The following NCF4 variants were observed in gnomAD, a reference collection of about 807,000 sequenced individuals.
NCF4 encodes the protein neutrophil cytosol factor 4.
A neutral mutation model predicts 41.7 loss-of-function variants in NCF4; 30 were observed. The ratio of observed to expected loss-of-function variants is 0.72; its 90% CI spans 0.54 to 0.97. The LOEUF is 0.97. Among genes scored for constraint, NCF4 ranks in the 50% least tolerant of loss-of-function variants. The probability of loss-of-function intolerance (pLI) is 0.00; values close to 1 mark genes in which losing one functional copy is unlikely to be tolerated. For synonymous variants in NCF4, 195 were observed against 175.8 expected, an observed-to-expected ratio of 1.11 and a Z score of -0.87; for missense variants, 432 against 460.9, an observed-to-expected ratio of 0.94 and a Z score of 0.57.
chr22:36,867,891 T>C (rs1257677296), intron 4 of NCF4, among the ~76,000 whole-genome samples: 2 of 152,158 alleles, frequency 1.3e-5, no homozygotes, highest in Non-Finnish European at 2.9e-5. Flanking sequence ...AGGCCGCAGG[T>C]TGCTCATATA....
At chr22:36,861,637 A>G (rs1461972564) in intron 1 of NCF4, among the ~76,000 whole-genome samples, 1 of 152,154 alleles carries the variant, frequency 6.6e-6, no homozygotes. Context: ...AGCCTTCCTG[A>G]CAGCCCCTAC....
At position 36,861,268 on chromosome 22, in the gene NCF4, G is replaced by A. The variant is rs1042715272; in HGVS notation, c.32+65G>A. 58 of 1,525,538 alleles carry A rather than the reference G, an allele frequency of 3.8e-5. No individual in the cohort carries two copies. The Admixed American group carries it at 1.1e-3, about 29-fold the overall frequency. 94.5% of individuals were successfully genotyped at this position (1,525,538 alleles called of 1,614,324 possible). On this transcript the variant is annotated intron_variant, in intron 1 of 9. Transcript: ENST00000248899. Reference sequence around the variant, plus strand: ...GCTCCTCATAGGCCTTAGGGACAAAGGCCAGTCCTTCTGCAGTCCCTGATC... The same window carrying A: ...GCTCCTCATAGGCCTTAGGGACAAAAGCCAGTCCTTCTGCAGTCCCTGATC...
intron 7 of NCF4, among the ~76,000 whole-genome samples, chr22:36,873,810 T>C (rs561511112): frequency 1.3e-5 from 2 of 152,158 alleles, no homozygotes; most frequent in South Asian, 2.1e-4. Context: ...CACTGCTAAA[T>C]TGCACCAATC....
chr22:36,869,029 C>T (rs559911292), intron 4 of NCF4, among the ~76,000 whole-genome samples: 16 of 152,288 alleles, frequency 1.1e-4, no homozygotes, highest in South Asian at 2.1e-4. Context: ...CCTGGAACTG[C>T]GTGAAGAGCT....
chr22:36,870,701 G>A (rs1940036445), intron 5 of NCF4, among the ~76,000 whole-genome samples, 159 bp downstream of exon 5: 1 of 152,230 alleles, frequency 6.6e-6, no homozygotes. Flanking sequence ...AGAAAGTCAT[G>A]TTCAGGCTTG....
intron 3 of NCF4, among the ~76,000 whole-genome samples, chr22:36,867,110 CGTGTGT>C (rs3221695): frequency 6.0e-4 from 87 of 143,874 alleles, no homozygotes; most frequent in African/African-American, 8.4e-4. Context: ...AACTAAGAGT[CGTGTGT>C]GTGTGTGTGT....
intron 8 of NCF4, 117 bp from the exon 9 acceptor site, chr22:36,875,912 A>G (rs368807683): frequency 2.2e-5 from 36 of 1,614,146 alleles, no homozygotes; most frequent in Non-Finnish European, 3.0e-5. Context: ...ATGAGCCACA[A>G]TGCTGTAACA....
At chr22:36,872,649 G>T (rs1393251193) in intron 7 of NCF4, among the ~76,000 whole-genome samples, 1 of 36,030 alleles carries the variant, frequency 2.8e-5, no homozygotes, top group African/African-American at 5.8e-5. Flanking sequence ...AGGTAAGAGT[G>T]GAGATGAGAT....
In NCF4 at chr22:36,872,810, A is replaced by G. The variant is rs531333794; in HGVS notation, c.627+385A>G. ...GTGAGGATGGAGATTGAGGGTGGAGATGAGGGTGAAGGTGAGGATGGAGGT... is the reference window on the plus strand; with the variant it reads ...GTGAGGATGGAGATTGAGGGTGGAGGTGAGGGTGAAGGTGAGGATGGAGGT... On this transcript the variant is annotated intron_variant, in intron 7 of 9. Coordinates refer to ENST00000248899, the MANE Select transcript of NCF4 (RefSeq NM_000631.5). 1.6e-3 allele frequency among the ~76,000 whole-genome samples: 92 copies of G among 59,092 alleles called. 2 individuals carry two copies. Among genetic ancestry groups the G allele is most frequent in the Middle Eastern group, 0.029 (2 of 68 alleles). The allele number at this position is 59,092 out of a possible 152,430, so 38.8% of individuals were successfully genotyped here. A position where few individuals can be genotyped will look rare whatever the true frequency, so the allele number is the denominator to read the frequency against.
At position 36,861,015 on chromosome 22, in the gene NCF4, A is replaced by G. The variant is rs1352379790; in HGVS notation, c.-157A>G. ...AGGAGGAGCCTCTGCCAGACTGGAG[A>G]GAAGCAGGCCTGAGCCTCCCCAAAG... On this transcript the variant is annotated 5_prime_UTR_variant, in exon 1 of 10. Coordinates refer to ENST00000248899, the MANE Select transcript of NCF4 (RefSeq NM_000631.5). 2 of 941,874 alleles carry G rather than the reference A, an allele frequency of 2.1e-6. No homozygotes were observed. The highest frequency in any genetic ancestry group is 1.4e-5 in the South Asian group (1 of 71,360). 58.3% of individuals were successfully genotyped at this position (941,874 alleles called of 1,614,324 possible).
intron 2 of NCF4, among the ~76,000 whole-genome samples, chr22:36,864,340 G>C (rs1034689160): frequency 2.6e-5 from 4 of 152,182 alleles, no homozygotes; most frequent in African/African-American, 9.7e-5. Flanking sequence ...CACATCTAGT[G>C]GGTAGAATCC....
intron 9 of NCF4, 128 bp from the exon 10 acceptor site, chr22:36,877,500 C>A (rs1447361810): frequency 2.1e-6 from 2 of 930,880 alleles, no homozygotes; most frequent in Non-Finnish European, 3.4e-6. Flanking sequence ...ACTTGGATGA[C>A]ACGGGCTTGT....
chr22:36,870,397 G>T lies in NCF4; in HGVS notation c.343-18G>T. The stretch of plus-strand genomic sequence containing the variant: ...TTCTGCTGACTACCCCACCGGTTCT[G>T]CTGTCTCACCCACACAGAGCCTGCT... On this transcript the variant is annotated intron_variant, in intron 4 of 9. Coordinates refer to ENST00000248899, the MANE Select transcript of NCF4 (RefSeq NM_000631.5). 6.2e-7 allele frequency: 1 copy of T among 1,613,608 alleles called. No homozygotes were observed. The highest frequency in any genetic ancestry group is 8.5e-7 in the Non-Finnish European group (1 of 1,180,038).
intron 1 of NCF4, among the ~76,000 whole-genome samples, chr22:36,862,511 G>T (rs571260355): frequency 2.8e-4 from 43 of 152,134 alleles, no homozygotes; most frequent in Non-Finnish European, 5.6e-4. Context: ...TGCTTTCTGG[G>T]GTACAGGGTT....
chr22:36,867,468 A>G lies in NCF4; in HGVS notation c.342+6A>G. 2 of 1,614,110 alleles carry G rather than the reference A, an allele frequency of 1.2e-6. No individual in the cohort carries two copies. The highest frequency in any genetic ancestry group is 4.5e-5 in the East Asian group (2 of 44,882). On this transcript the variant is annotated splice_donor_region_variant and intron_variant, in intron 4 of 9. Transcript: ENST00000248899. Reference sequence around the variant, plus strand: ...CCCTCAACGCCTACATGAAGGTACCAGTGGGCCTTGCCACCTTGGCACGTG... The same window carrying G: ...CCCTCAACGCCTACATGAAGGTACCGGTGGGCCTTGCCACCTTGGCACGTG...
In NCF4 at chr22:36,877,952, C is replaced by A; in HGVS notation, c.*129C>A. On this transcript the variant is annotated 3_prime_UTR_variant, in exon 10 of 10. Transcript: ENST00000248899. ...CTTTGAGGCTAATGGACCCGTGGGG[C>A]TTGTAATCTGTCTCTTTCTACTATT... 2.3e-6 allele frequency: 2 copies of A among 870,580 alleles called. No homozygotes were observed. Among genetic ancestry groups the A allele is most frequent in the Non-Finnish European group, 3.5e-6 (2 of 565,920 alleles). 53.9% of individuals were successfully genotyped at this position (870,580 alleles called of 1,614,324 possible).
chr22:36,865,125 C>T lies in NCF4; in HGVS notation c.271+53C>T. The T allele has an allele frequency of 6.3e-7, 1 of 1,596,220 alleles. No homozygotes were observed. Among genetic ancestry groups the T allele is most frequent in the Non-Finnish European group, 8.5e-7 (1 of 1,176,138 alleles). On this transcript the variant is annotated intron_variant, in intron 3 of 9. Coordinates refer to ENST00000248899, the MANE Select transcript of NCF4 (RefSeq NM_000631.5). This position sits in a 1 kb window ranked among gnomAD's most constrained non-coding sequence, Gnocchi z 4.3. The stretch of plus-strand genomic sequence containing the variant: ...GCAGAGCTGCTGACTCTCCTTCCTT[C>T]CAGGGCCCCTGACACTGTTCTGTGA...
intron 1 of NCF4, 152 bp from the exon 2 acceptor site, chr22:36,863,893 G>A: frequency 1.3e-6 from 1 of 781,546 alleles, no homozygotes; most frequent in Non-Finnish European, 2.3e-6. Context: ...GTATTCCCAG[G>A]GTCAGTGGCT....
At chr22:36,876,225 A>T in intron 9 of NCF4, 131 bp downstream of exon 9, 5 of 955,912 alleles carry the variant, frequency 5.2e-6, no homozygotes, top group Non-Finnish European at 7.6e-6. Flanking sequence ...TCCGCAGCCC[A>T]GCCCTGCAGG....
Sources: gnomAD v4.1 joint callset for allele counts (sites outside exome capture counted in the v4.1 genomes callset) on GRCh38, gnomAD v4.1.1 for gene constraint, Gnocchi (gnomAD v3.1) non-coding constraint, MANE v1.5 for transcripts, NCBI Gene and HGNC (gene_info 2026-07-23, HGNC 2026-07-21) for gene names.